The following STPG2 variants were observed in gnomAD, a reference collection of about 807,000 sequenced individuals.
The protein encoded by STPG2 is sperm-tail PG-rich repeat-containing protein 2.
Under a neutral mutation model 54.2 loss-of-function variants are expected in STPG2, and 56 were observed. The ratio of observed to expected loss-of-function variants is 1.03; its 90% CI spans 0.83 to 1.29. STPG2 has a LOEUF of 1.29. Among genes scored for constraint, STPG2 ranks in the 50% most tolerant of loss-of-function variants. STPG2 has a pLI of 0.00. For missense variants in STPG2, 596 were observed against 544.9 expected (o/e 1.09, Z -0.93); for synonymous variants, 200 against 181.8 (o/e 1.10, Z -0.81).
Position 97,803,093 on chromosome 4 carries a change from C to G in STPG2, c.1204+37680G>C, listed in dbSNP as rs373519053. 4.6e-5 allele frequency among the ~76,000 whole-genome samples: 7 copies of G among 152,062 alleles called. No homozygotes were observed. In the East Asian group the frequency reaches 9.7e-4, roughly 21 times the overall value. On this transcript the variant is annotated intron_variant, in intron 9 of 10. Coordinates refer to ENST00000295268, the MANE Select transcript of STPG2 (RefSeq NM_174952.3). The stretch of plus-strand genomic sequence containing the variant: ...ATAAGACTATTATTGGAAAATATAC[C>G]TTCAGTTTGGCTTCCAGGCCTACTC...
chr4:97,550,850 T>C (rs1253291738), intron 4 of STPG2, among the ~76,000 whole-genome samples: 1 of 152,054 alleles, frequency 6.6e-6, no homozygotes, highest in African/African-American at 2.4e-5. Flanking sequence ...TCCGGAGTTG[T>C]TTTTTCCTCC....
intron 10 of STPG2, among the ~76,000 whole-genome samples, chr4:97,640,981 A>G (rs1721749749): frequency 6.6e-6 from 1 of 151,534 alleles, no homozygotes; most frequent in African/African-American, 2.4e-5. Context: ...TTTATAAAAG[A>G]AGTAATCTTA....
chr4:97,725,322 C>T (rs1052879872), intron 9 of STPG2, among the ~76,000 whole-genome samples: 3 of 150,446 alleles, frequency 2.0e-5, no homozygotes, highest in African/African-American at 7.3e-5. Context: ...AAAGAGCACC[C>T]AAACTAGATA....
rs189374023 is a variant in STPG2 at position 97,959,050 on chromosome 4, C to G, written c.933+13230G>C. ...TTTCAGACCACAGTAGAATAAAACA[C>G]GAAATCAACTCTAAAAGGAACCTTC... is the stretch of plus-strand genomic sequence containing the variant. On this transcript the variant is annotated intron_variant, in intron 7 of 10. Coordinates refer to ENST00000295268, the MANE Select transcript of STPG2 (RefSeq NM_174952.3). Among the ~76,000 whole-genome samples the G allele has an allele frequency of 1.2e-4, 19 of 152,016 alleles. 1 individual carries two copies. In the South Asian group the frequency reaches 3.5e-3, roughly 28 times the overall value.
At chr4:97,705,731 T>G (rs927624521) in intron 10 of STPG2, among the ~76,000 whole-genome samples, 1 of 151,844 alleles carries the variant, frequency 6.6e-6, no homozygotes, top group African/African-American at 2.4e-5. Context: ...AATAATTATT[T>G]TATTATAATT....
At chr4:98,078,582 A>C (rs908055562) in intron 5 of STPG2, among the ~76,000 whole-genome samples, 27 of 151,888 alleles carry the variant, frequency 1.8e-4, no homozygotes, top group African/African-American at 5.8e-4. Flanking sequence ...AAAAAAAAAA[A>C]AGAAAAGAAA....
chr4:97,548,505 G>C (rs1236549493), intron 4 of STPG2, among the ~76,000 whole-genome samples: 2 of 152,110 alleles, frequency 1.3e-5, no homozygotes, highest in Non-Finnish European at 2.9e-5. Context: ...CAGTGCTTGG[G>C]ACCAAGCCAA....
intron 8 of STPG2, among the ~76,000 whole-genome samples, chr4:97,879,426 G>A (rs1045950362): frequency 1.3e-5 from 2 of 152,044 alleles, no homozygotes; most frequent in Non-Finnish European, 2.9e-5. Flanking sequence ...CATGGCTGGG[G>A]GAGGCCTCAC....
intron 8 of STPG2, among the ~76,000 whole-genome samples, chr4:97,856,963 T>C (rs1038162025): frequency 2.0e-5 from 3 of 152,252 alleles, no homozygotes; most frequent in Non-Finnish European, 4.4e-5. Context: ...ATCACATTTA[T>C]TGATTTGTGT....
At chr4:98,128,328 A>T in intron 3 of STPG2, 100 bp downstream of exon 3, 1 of 1,125,928 alleles carries the variant, frequency 8.9e-7, no homozygotes, top group Non-Finnish European at 1.2e-6. Context: ...TAAAACGTGT[A>T]ATCATTTTTT....
intron 9 of STPG2, among the ~76,000 whole-genome samples, chr4:97,797,720 T>C (rs1727246468): frequency 1.3e-5 from 2 of 152,296 alleles, no homozygotes; most frequent in Middle Eastern, 3.4e-3. Context: ...TTAGGGAGGA[T>C]TCCTTCTTTT....
intron 9 of STPG2, among the ~76,000 whole-genome samples, chr4:97,810,867 C>G (rs1727714057): frequency 6.6e-6 from 1 of 152,026 alleles, no homozygotes; most frequent in Non-Finnish European, 1.5e-5. Flanking sequence ...GTACTTAAAA[C>G]CATTATAAAG....
intron 4 of STPG2, among the ~76,000 whole-genome samples, chr4:97,482,064 T>C (rs58740461): frequency 0.24 from 35,800 of 151,450 alleles, 9,626 homozygotes; most frequent in African/African-American, 0.66. Context: ...TTAAATTTGT[T>C]GGTCTTTTTG....
chr4:97,941,694 G>A lies in STPG2; in HGVS notation c.1044+2203C>T, dbSNP rs183235441. 1.6e-3 allele frequency among the ~76,000 whole-genome samples: 248 copies of A among 151,620 alleles called. 2 individuals carry two copies. Among genetic ancestry groups the A allele is most frequent in the Admixed American group, 2.6e-3 (40 of 15,226 alleles). On this transcript the variant is annotated intron_variant, in intron 8 of 10. Transcript: ENST00000295268. ...ATATCCATAAGTAAAATACCTGGGA[G>A]GTAAATTTTATTTTTATTTAAAGTA... is the stretch of plus-strand genomic sequence containing the variant.
At chr4:98,018,968 T>G (rs867425968) in intron 5 of STPG2, among the ~76,000 whole-genome samples, 1 of 152,026 alleles carries the variant, frequency 6.6e-6, no homozygotes, top group Non-Finnish European at 1.5e-5. Flanking sequence ...ATTTCTAGGT[T>G]GCCTGTTCAC....
intron 5 of STPG2, among the ~76,000 whole-genome samples, chr4:98,017,384 G>A (rs1389956235): frequency 6.6e-6 from 1 of 152,240 alleles, no homozygotes; most frequent in Non-Finnish European, 1.5e-5. Context: ...AGCTTGAAGT[G>A]TAGGTTTGTT....
chr4:97,700,313 C>T (rs1723728979), intron 10 of STPG2, among the ~76,000 whole-genome samples: 1 of 152,212 alleles, frequency 6.6e-6, no homozygotes, highest in South Asian at 2.1e-4. Flanking sequence ...CTGGACTCCA[C>T]TCCAAAATAG....
At chr4:98,126,307 G>T (rs969564890) in intron 3 of STPG2, among the ~76,000 whole-genome samples, 6 of 152,236 alleles carry the variant, frequency 3.9e-5, no homozygotes, top group Non-Finnish European at 8.8e-5. Flanking sequence ...GTGGCCACAT[G>T]CCTGAGTGGC....
At chr4:97,592,331 T>C (rs895166165) in intron 10 of STPG2, among the ~76,000 whole-genome samples, 2 of 152,186 alleles carry the variant, frequency 1.3e-5, no homozygotes, top group Non-Finnish European at 2.9e-5. Context: ...CAGTTGTTTA[T>C]GTATTATGAT....
Sources: gnomAD v4.1 joint callset for allele counts (sites outside exome capture counted in the v4.1 genomes callset) on GRCh38, gnomAD v4.1.1 for gene constraint, MANE v1.5 for transcripts, NCBI Gene and HGNC (gene_info 2026-07-23, HGNC 2026-07-21) for gene names.